The following MORC2 variants were observed in gnomAD, a reference collection of about 807,000 sequenced individuals.
MORC2 encodes MORC family CW-type zinc finger 2.
In MORC2, 30 loss-of-function variants were observed where a neutral mutation model predicts 136.0. The ratio of observed to expected loss-of-function variants is 0.22; its 90% confidence interval spans 0.17 to 0.30. The LOEUF (loss-of-function observed/expected upper bound fraction) is 0.30, where lower values mean the gene tolerates loss of function less well. Among genes scored for constraint, MORC2 ranks in the 10% least tolerant of loss-of-function variants. MORC2 has a pLI of 1.00. For synonymous variants in MORC2, 439 were observed against 487.0 expected (o/e 0.90, Z 1.30); for missense variants, 922 against 1,333.1 (o/e 0.69, Z 4.80).
chr22:30,934,769 C>T lies in MORC2; in HGVS notation c.2193+12G>A, dbSNP rs367657160. On this transcript the variant is annotated intron_variant, in intron 19 of 25. Coordinates refer to ENST00000397641, the MANE Select transcript of MORC2 (RefSeq NM_001303256.3). The surrounding 1 kb of genome is among the most constrained non-coding windows in gnomAD (Gnocchi z 4.4). ...CACTGGGCTGGGGTATTAAAGAGGA[C>T]AAGCGTCTCACCGGGGAGAGTTTGA... is the stretch of plus-strand genomic sequence containing the variant. 2.5e-6 allele frequency: 4 copies of T among 1,613,038 alleles called. No homozygotes were observed. The highest frequency in any genetic ancestry group is 3.4e-6 in the Non-Finnish European group (4 of 1,179,322).
In MORC2 at chr22:30,934,720, A is replaced by C; in HGVS notation, c.2193+61T>G. On this transcript the variant is annotated intron_variant, in intron 19 of 25. Transcript: ENST00000397641. The surrounding 1 kb of genome is among the most constrained non-coding windows in gnomAD (Gnocchi z 4.4). ...TCCCCCAGTACAGCTGTGACACTGC[A>C]CAATTCCATTCCTACACTACTGACA... 1.3e-6 allele frequency: 2 copies of C among 1,580,526 alleles called. No homozygotes were observed. Among genetic ancestry groups the C allele is most frequent in the South Asian group, 2.3e-5 (2 of 86,032 alleles).
chr22:30,962,607 A>C (rs2041065144), intron 1 of MORC2, among the ~76,000 whole-genome samples: 1 of 151,924 alleles, frequency 6.6e-6, no homozygotes, highest in South Asian at 2.1e-4. Context: ...AAAAAAAAAA[A>C]AAAACTAATG....
At chr22:30,939,391 C>T (rs939557072) in intron 12 of MORC2, among the ~76,000 whole-genome samples, 3 of 152,122 alleles carry the variant, frequency 2.0e-5, no homozygotes, top group African/African-American at 7.2e-5. Context: ...AAAGGTAAGA[C>T]AGTGCCAAAG....
At chr22:30,930,340 T>C (rs2040555711) in intron 24 of MORC2, among the ~76,000 whole-genome samples, 1 of 152,178 alleles carries the variant, frequency 6.6e-6, no homozygotes, top group African/African-American at 2.4e-5. Flanking sequence ...CCTCCTGGGA[T>C]TTGCAGAGAG....
intron 1 of MORC2, 49 bp downstream of exon 1, chr22:30,967,773 T>C (rs1327899260): frequency 4.5e-6 from 7 of 1,548,676 alleles, no homozygotes; most frequent in African/African-American, 2.7e-5. Flanking sequence ...CCATATAATA[T>C]CAAGGAACGA....
rs1239434755 is a variant in MORC2, at chr22:30,941,024, C to T, written c.825-187G>A. Among the ~76,000 whole-genome samples, 2 of 152,158 alleles carry T rather than the reference C, an allele frequency of 1.3e-5. No individual in the cohort carries two copies. The highest frequency in any genetic ancestry group is 4.8e-5 in the African/African-American group (2 of 41,432). ...TCCTTATTCCACTTGCCCTTAGCCT[C>T]CTGCTGTCTTTGATAAGCAACCTCA... On this transcript the variant is annotated intron_variant, in intron 9 of 25. Coordinates refer to ENST00000397641, the MANE Select transcript of MORC2 (RefSeq NM_001303256.3). This position sits in a 1 kb window ranked among gnomAD's most constrained non-coding sequence, Gnocchi z 4.6.
intron 1 of MORC2, among the ~76,000 whole-genome samples, chr22:30,963,832 C>T (rs991815823): frequency 6.6e-6 from 1 of 152,164 alleles, no homozygotes; most frequent in Non-Finnish European, 1.5e-5. Flanking sequence ...ACCAATAGAT[C>T]ATCCATAGGC....
At position 30,933,488 on chromosome 22, in the gene MORC2, A is replaced by G. The variant is rs537987039; in HGVS notation, c.2358T>C (p.Ala786=). ...LSDSAGEEDS[A]DLKRAQKDKG... ...CACCTTTCTGAGCTCTCTTGAGGTCAGCCGAGTCCTCTTCCCCAGCACTGT... is the reference window on the plus strand; with the variant it reads ...CACCTTTCTGAGCTCTCTTGAGGTCGGCCGAGTCCTCTTCCCCAGCACTGT... Residue 786 remains alanine, a synonymous_variant, in exon 21 of 26, where the codon GCT becomes GCC. Coordinates refer to ENST00000397641, the MANE Select transcript of MORC2 (RefSeq NM_001303256.3). 5.6e-6 allele frequency: 9 copies of G among 1,613,850 alleles called. No homozygotes were observed. In the African/African-American group the frequency reaches 1.1e-4, roughly 19 times the overall value.
At position 30,926,878 on chromosome 22, in the gene MORC2, T is replaced by C; in HGVS notation, c.3031-7A>G. ...CTGTGTTGATGTCTATGTCCTGGAA[T>C]AGAGCAGGGTAGGGATCAACTGGGG... On this transcript the variant is annotated splice_region_variant and splice_polypyrimidine_tract_variant and intron_variant, in intron 25 of 25. Transcript: ENST00000397641. The C allele has an allele frequency of 6.2e-7, 1 of 1,612,604 alleles. No homozygotes were observed. Among genetic ancestry groups the C allele is most frequent in the South Asian group, 1.1e-5 (1 of 90,988 alleles).
At position 30,935,338 on chromosome 22, in the gene MORC2, CATG is replaced by C. The variant is rs745345406; in HGVS notation, c.1738-19_1738-17del. ...GTGTGGTTTTCTGCAAGGCAAACAT[CATG>C]ATGAAGTTGTTTGCATATTTTAGTA... On this transcript the variant is annotated splice_polypyrimidine_tract_variant and intron_variant, in intron 17 of 25. Transcript: ENST00000397641. The C allele has an allele frequency of 5.0e-6, 8 of 1,611,266 alleles. No individual in the cohort carries two copies. In the Admixed American group the frequency reaches 1.3e-4, roughly 27 times the overall value.
chr22:30,961,762 A>G (rs906317226), intron 1 of MORC2, among the ~76,000 whole-genome samples: 1 of 152,228 alleles, frequency 6.6e-6, no homozygotes, highest in Non-Finnish European at 1.5e-5. Flanking sequence ...ACCCTCTGCC[A>G]TTAGGACAAG....
At chr22:30,928,629 C>T (rs2040527094) in intron 24 of MORC2, among the ~76,000 whole-genome samples, 1 of 152,232 alleles carries the variant, frequency 6.6e-6, no homozygotes, top group African/African-American at 2.4e-5. Context: ...TGTCAGTTCT[C>T]TTTCCACCTA....
chr22:30,934,007 G>A lies in MORC2; in HGVS notation c.2325+53C>T. The A allele has an allele frequency of 1.2e-6, 2 of 1,608,102 alleles. No individual in the cohort carries two copies. Among genetic ancestry groups the A allele is most frequent in the Non-Finnish European group, 1.7e-6 (2 of 1,176,538 alleles). On this transcript the variant is annotated intron_variant, in intron 20 of 25. Coordinates refer to ENST00000397641, the MANE Select transcript of MORC2 (RefSeq NM_001303256.3). The surrounding 1 kb of genome is among the most constrained non-coding windows in gnomAD (Gnocchi z 4.4). ...GATGGGGGGTGCAGACTGCTGGTGG[G>A]GGCTGCAGGCCCTAGAGAGAGAGGC...
intron 5 of MORC2, among the ~76,000 whole-genome samples, chr22:30,946,702 A>G (rs1000615524): frequency 5.9e-5 from 9 of 151,868 alleles, no homozygotes; most frequent in Admixed American, 3.9e-4. Context: ...CACACCATAC[A>G]GGGTTCTCTC....
chr22:30,956,338 C>A (rs1367582379), intron 3 of MORC2, among the ~76,000 whole-genome samples: 1 of 152,168 alleles, frequency 6.6e-6, no homozygotes, highest in East Asian at 1.9e-4. Context: ...GCAACCGATA[C>A]CAGCAATTCT....
chr22:30,932,255 C>A lies in MORC2; in HGVS notation c.2841+104G>T. 1.0e-6 allele frequency: 1 copy of A among 985,560 alleles called. No homozygotes were observed. Among genetic ancestry groups the A allele is most frequent in the Non-Finnish European group, 1.5e-6 (1 of 647,674 alleles). 61.1% of individuals were successfully genotyped at this position (985,560 alleles called of 1,614,324 possible). A position where few individuals can be genotyped will look rare whatever the true frequency, so the allele number is the denominator to read the frequency against. On this transcript the variant is annotated intron_variant, in intron 24 of 25. Coordinates refer to ENST00000397641, the MANE Select transcript of MORC2 (RefSeq NM_001303256.3). The surrounding 1 kb of genome is among the most constrained non-coding windows in gnomAD (Gnocchi z 4.4). ...GATGGAGCACACAGCTGAGAGCTAG[C>A]AACTGCAACAAGCGTAACAATCATA...
At chr22:30,933,366 G>T in intron 21 of MORC2, 100 bp downstream of exon 21, 2 of 1,343,060 alleles carry the variant, frequency 1.5e-6, no homozygotes, top group South Asian at 1.3e-5. Context: ...ACCCAGGACA[G>T]ATTCAATGAG....
At chr22:30,967,800 G>A (rs776079603) in intron 1 of MORC2, 22 bp downstream of exon 1, 1 of 1,550,700 alleles carries the variant, frequency 6.4e-7, no homozygotes, top group South Asian at 1.2e-5. Flanking sequence ...GGTTACCTCA[G>A]TGGCACCTAG....
intron 3 of MORC2, among the ~76,000 whole-genome samples, chr22:30,950,766 A>G (rs1003480): frequency 0.56 from 84,880 of 151,898 alleles, 24,154 homozygotes; most frequent in East Asian, 0.76. Context: ...CCTTCTGCTC[A>G]CTCCACCTGG....
Sources: allele counts gnomAD v4.1 joint callset (sites outside exome capture counted in the v4.1 genomes callset), GRCh38; gene constraint gnomAD v4.1.1; non-coding constraint Gnocchi (gnomAD v3.1); transcripts MANE v1.5; gene names NCBI Gene and HGNC (gene_info 2026-07-23, HGNC 2026-07-21).